MICAL2: variants seen among roughly 807,000 people sequenced by gnomAD.
MICAL2 encodes microtubule associated monooxygenase, calponin and LIM domain containing 2.
MICAL2 carries 77 observed loss-of-function variants against 127.3 expected under a neutral mutation model. The ratio of observed to expected loss-of-function variants is 0.60; its 90% CI spans 0.50 to 0.73. MICAL2 has a LOEUF of 0.73. Among genes scored for constraint, MICAL2 ranks in the 30% least tolerant of loss-of-function variants. The pLI, the probability that MICAL2 is intolerant of heterozygous loss-of-function variation, is 0.00. For synonymous variants in MICAL2, 570 were observed against 551.1 expected, an observed-to-expected ratio of 1.03 and a Z score of -0.48; for missense variants, 1,351 against 1,434.4, an observed-to-expected ratio of 0.94 and a Z score of 0.94.
intron 1 of MICAL2, among the ~76,000 whole-genome samples, chr11:12,121,871 C>T (rs946033757): frequency 2.0e-5 from 3 of 152,128 alleles, no homozygotes; most frequent in African/African-American, 4.8e-5. Context: ...AAATTGTTCC[C>T]GCAAGCAGCA....
At chr11:12,142,743 T>G (rs1409533561) in intron 2 of MICAL2, among the ~76,000 whole-genome samples, 2 of 152,240 alleles carry the variant, frequency 1.3e-5, no homozygotes, top group Non-Finnish European at 2.9e-5. Flanking sequence ...GAGATAGGCA[T>G]GGCTACCTGT....
intron 30 of MICAL2, among the ~76,000 whole-genome samples, chr11:12,320,257 A>G (rs1218753557): frequency 6.6e-6 from 1 of 152,232 alleles, no homozygotes; most frequent in Non-Finnish European, 1.5e-5. Context: ...TTGCATCTAG[A>G]CATGGATACT....
At chr11:12,166,876 C>G (rs1456420575) in intron 3 of MICAL2, among the ~76,000 whole-genome samples, 1 of 151,888 alleles carries the variant, frequency 6.6e-6, no homozygotes, top group Non-Finnish European at 1.5e-5. Flanking sequence ...CCATGTAGAG[C>G]TGAGAAAACA....
intron 1 of MICAL2, among the ~76,000 whole-genome samples, chr11:12,280,526 A>G (rs1485202501): frequency 6.6e-6 from 1 of 152,158 alleles, no homozygotes; most frequent in African/African-American, 2.4e-5. Flanking sequence ...GGAGGGAAGG[A>G]TCTGTTCCAG....
At chr11:12,114,763 A>G (rs1230950123) in intron 1 of MICAL2, among the ~76,000 whole-genome samples, 3 of 152,204 alleles carry the variant, frequency 2.0e-5, no homozygotes, top group Non-Finnish European at 2.9e-5. Context: ...TTACGTGTGG[A>G]CGTTTCCTCA....
At chr11:12,321,795 C>T (rs1045164782) in intron 30 of MICAL2, among the ~76,000 whole-genome samples, 1 of 152,096 alleles carries the variant, frequency 6.6e-6, no homozygotes. Context: ...TGCTGGGAAG[C>T]GCTAAGACCA....
chr11:12,256,987 A>G lies in MICAL2; in HGVS notation c.3142+16A>G, dbSNP rs752261578. On this transcript the variant is annotated intron_variant, in intron 24 of 27. Coordinates refer to ENST00000683283, the MANE Select transcript of MICAL2 (RefSeq NM_001282663.2). ...TGCGATGAAGGTAACCCCAGGGGCCAGGGCAGCACTGGGCTCTGGCCTTGG... is the reference window on the plus strand; with the variant it reads ...TGCGATGAAGGTAACCCCAGGGGCCGGGGCAGCACTGGGCTCTGGCCTTGG... The G allele has an allele frequency of 1.2e-6, 2 of 1,604,976 alleles. No homozygotes were observed. The highest frequency in any genetic ancestry group is 2.2e-5 in the South Asian group (2 of 89,710).
At chr11:12,133,723 A>C (rs1851612926) in intron 1 of MICAL2, among the ~76,000 whole-genome samples, 1 of 152,240 alleles carries the variant, frequency 6.6e-6, no homozygotes, top group African/African-American at 2.4e-5. Context: ...AAGAGCAGGA[A>C]ACCCACTGAT....
chr11:12,119,095 C>T (rs553217910), intron 1 of MICAL2, among the ~76,000 whole-genome samples: 8 of 152,204 alleles, frequency 5.3e-5, no homozygotes, highest in African/African-American at 1.9e-4. Flanking sequence ...CTGGATACCA[C>T]CTCCTCCTCT....
chr11:12,184,196 T>G (rs950462806), intron 3 of MICAL2, among the ~76,000 whole-genome samples: 2 of 152,252 alleles, frequency 1.3e-5, no homozygotes, highest in African/African-American at 4.8e-5. Flanking sequence ...TAAAATAATA[T>G]GTGTAAAGCA....
chr11:12,332,084 A>G (rs1187889149), intron 32 of MICAL2, among the ~76,000 whole-genome samples: 2 of 152,160 alleles, frequency 1.3e-5, no homozygotes, highest in African/African-American at 2.4e-5. Flanking sequence ...CGCCCCCAAA[A>G]AACAGTAATG....
intron 32 of MICAL2, among the ~76,000 whole-genome samples, chr11:12,338,171 G>T (rs1261341045): frequency 1.3e-5 from 2 of 152,154 alleles, no homozygotes; most frequent in East Asian, 3.8e-4. Context: ...AGGATAGTTA[G>T]CTCTTCTTGT....
downstream of MICAL2, chr11:12,292,285 C>A (rs778274397): frequency 6.2e-7 from 1 of 1,614,038 alleles, no homozygotes; most frequent in Non-Finnish European, 8.5e-7. Flanking sequence ...CAGATGGTTC[C>A]TCCCCGCCTC....
intron 3 of MICAL2, among the ~76,000 whole-genome samples, chr11:12,181,872 A>T (rs1857524729): frequency 6.6e-6 from 1 of 152,242 alleles, no homozygotes; most frequent in African/African-American, 2.4e-5. Flanking sequence ...GTGAACTTGA[A>T]TGAAGAAAAA....
chr11:12,261,176 G>C (rs770266504), intron 26 of MICAL2: 1 of 985,378 alleles, frequency 1.0e-6, no homozygotes, highest in Non-Finnish European at 1.2e-6. Flanking sequence ...GCTGGGAAGC[G>C]TGGCCTGCCC....
intron 2 of MICAL2, among the ~76,000 whole-genome samples, chr11:12,157,609 T>G (rs1934591940): frequency 6.6e-6 from 1 of 152,198 alleles, no homozygotes; most frequent in African/African-American, 2.4e-5. Flanking sequence ...GTTTTATTTC[T>G]ATTGCATATC....
chr11:12,337,885 G>A (rs1368135862), intron 32 of MICAL2, among the ~76,000 whole-genome samples: 3 of 152,108 alleles, frequency 2.0e-5, no homozygotes, highest in Non-Finnish European at 2.9e-5. Flanking sequence ...TATGTGGTCA[G>A]TTTTGGAATA....
intron 8 of MICAL2, among the ~76,000 whole-genome samples, chr11:12,217,818 G>A (rs937359211): frequency 1.3e-5 from 2 of 152,080 alleles, no homozygotes; most frequent in African/African-American, 4.8e-5. Context: ...AGCAGCTCCT[G>A]AGCTGGTGCT....
At chr11:12,185,438 C>G (rs138995385) in intron 3 of MICAL2, among the ~76,000 whole-genome samples, 1 of 152,232 alleles carries the variant, frequency 6.6e-6, no homozygotes, top group Non-Finnish European at 1.5e-5. Flanking sequence ...CTCCTTATAT[C>G]CTTTCATCTT....
Sources: allele counts gnomAD v4.1 joint callset (sites outside exome capture counted in the v4.1 genomes callset), GRCh38; gene constraint gnomAD v4.1.1; transcripts MANE v1.5; gene names NCBI Gene and HGNC (gene_info 2026-07-23, HGNC 2026-07-21).